Variants in CDH18 observed in about 807,000 individuals in gnomAD.
CDH18 encodes cadherin-18.
Under a neutral mutation model 67.9 loss-of-function variants are expected in CDH18, and 31 were observed. That is an observed-to-expected ratio of 0.46 (90% CI 0.34 to 0.62). The LOEUF (loss-of-function observed/expected upper bound fraction) is 0.62. CDH18 is among the 20% of genes least tolerant of loss of function. The probability of loss-of-function intolerance (pLI) is 0.01; values close to 1 mark genes in which losing one functional copy is unlikely to be tolerated. For synonymous variants in CDH18, 362 were observed against 347.2 expected (o/e 1.04, Z -0.48); for missense variants, 890 against 975.5 (o/e 0.91, Z 1.17).
chr5:19,995,861 T>C (rs1735971868), intron 2 of CDH18, among the ~76,000 whole-genome samples: 1 of 152,032 alleles, frequency 6.6e-6, no homozygotes, highest in Non-Finnish European at 1.5e-5. Context: ...GGGATAGTAC[T>C]CACACAGTTC....
chr5:19,598,996 A>G (rs1746620181), intron 6 of CDH18, among the ~76,000 whole-genome samples: 1 of 152,158 alleles, frequency 6.6e-6, no homozygotes, highest in Non-Finnish European at 1.5e-5. Context: ...AAAATAGAAA[A>G]AAGGCAATTT....
chr5:20,100,397 A>C (rs1486012506), intron 2 of CDH18, among the ~76,000 whole-genome samples: 1 of 152,110 alleles, frequency 6.6e-6, no homozygotes, highest in Non-Finnish European at 1.5e-5. Context: ...CCCCTAAATC[A>C]ATTTTGGGTC....
intron 2 of CDH18, among the ~76,000 whole-genome samples, chr5:20,031,129 G>C (rs1739356158): frequency 6.6e-6 from 1 of 152,032 alleles, no homozygotes; most frequent in Non-Finnish European, 1.5e-5. Context: ...GTTTTTAGCA[G>C]AAAGTTATAG....
chr5:19,701,466 G>A (rs192297540), intron 5 of CDH18, among the ~76,000 whole-genome samples: 2,996 of 152,162 alleles, frequency 0.02, 89 homozygotes, highest in African/African-American at 0.069. Context: ...AGGAGATTTA[G>A]TCTCCTAAGA....
intron 1 of CDH18, among the ~76,000 whole-genome samples, chr5:20,306,702 G>A (rs1342035659): frequency 6.6e-6 from 1 of 151,452 alleles, no homozygotes; most frequent in Non-Finnish European, 1.5e-5. Context: ...CCTGCTAAGG[G>A]GAAATCACAA....
chr5:20,366,859 TC>T (rs1228690816), intron 1 of CDH18, among the ~76,000 whole-genome samples: 1 of 149,846 alleles, frequency 6.7e-6, no homozygotes, highest in African/African-American at 2.5e-5. Context: ...GGCTCCTCCT[TC>T]CCCCGGGATG....
At chr5:19,881,220 C>G (rs965053235) in intron 2 of CDH18, among the ~76,000 whole-genome samples, 6 of 152,186 alleles carry the variant, frequency 3.9e-5, no homozygotes, top group African/African-American at 1.4e-4. Flanking sequence ...CTTTCAATGC[C>G]TTGTTTTAAT....
chr5:20,039,789 A>G (rs1740240652), intron 2 of CDH18, among the ~76,000 whole-genome samples: 1 of 152,228 alleles, frequency 6.6e-6, no homozygotes, highest in African/African-American at 2.4e-5. Context: ...AGGCATGGGC[A>G]AAGACTTCAT....
intron 1 of CDH18, among the ~76,000 whole-genome samples, chr5:20,363,865 T>C (rs1194333902): frequency 6.6e-6 from 1 of 152,154 alleles, no homozygotes; most frequent in Non-Finnish European, 1.5e-5. Context: ...TGCTGAACCC[T>C]AATTTAAATA....
rs1740046278 is a variant in CDH18 at position 20,339,281 on chromosome 5, A to C, written c.-579-83776T>G. ...AAGGCATGGCTGGCTTACCAGCTAG[A>C]GGACAGACAGGTCTTTCCTCCTGAG... is the stretch of plus-strand genomic sequence containing the variant. On this transcript the variant is annotated intron_variant, in intron 1 of 14. Transcript: ENST00000507958. Among the ~76,000 whole-genome samples, 4 of 152,190 alleles carry C rather than the reference A, an allele frequency of 2.6e-5. No individual in the cohort carries two copies. The South Asian group carries it at 8.3e-4, about 32-fold the overall frequency.
chr5:19,729,731 C>A (rs1767342739), intron 4 of CDH18, among the ~76,000 whole-genome samples: 1 of 152,184 alleles, frequency 6.6e-6, no homozygotes, highest in African/African-American at 2.4e-5. Context: ...TAATTCTCTT[C>A]ATAGTTGTAC....
chr5:19,795,064 T>C (rs1169694807), intron 3 of CDH18, among the ~76,000 whole-genome samples: 3 of 152,060 alleles, frequency 2.0e-5, no homozygotes, highest in Non-Finnish European at 4.4e-5. Context: ...CTCAGCTTCT[T>C]GCAGAGAAAT....
chr5:20,300,515 T>C (rs2149965238), intron 1 of CDH18, among the ~76,000 whole-genome samples: 1 of 152,234 alleles, frequency 6.6e-6, no homozygotes, highest in East Asian at 1.9e-4. Flanking sequence ...AGAATTGCTT[T>C]CAAGATACTA....
chr5:19,895,957 A>G (rs1331584528), intron 2 of CDH18, among the ~76,000 whole-genome samples: 1 of 152,154 alleles, frequency 6.6e-6, no homozygotes, highest in African/African-American at 2.4e-5. Flanking sequence ...GAAGACTGAA[A>G]AATGGTCCCC....
At chr5:19,573,347 C>T (rs1381215777) in intron 7 of CDH18, among the ~76,000 whole-genome samples, 3 of 150,006 alleles carry the variant, frequency 2.0e-5, no homozygotes, top group South Asian at 2.1e-4. Flanking sequence ...GGTGAGATCT[C>T]GGCTCACTGC....
chr5:20,124,254 G>A (rs983323739), intron 2 of CDH18, among the ~76,000 whole-genome samples: 1 of 152,146 alleles, frequency 6.6e-6, no homozygotes, highest in African/African-American at 2.4e-5. Flanking sequence ...TTGTCCCATA[G>A]GAATGTGTAA....
intron 1 of CDH18, among the ~76,000 whole-genome samples, chr5:19,984,683 A>G (rs1411454047): frequency 6.6e-6 from 1 of 152,180 alleles, no homozygotes; most frequent in African/African-American, 2.4e-5. Flanking sequence ...AAAACCTTGT[A>G]TATTGGGTTT....
At chr5:20,225,594 T>C (rs1285977296) in intron 2 of CDH18, among the ~76,000 whole-genome samples, 2 of 152,038 alleles carry the variant, frequency 1.3e-5, no homozygotes, top group Non-Finnish European at 1.5e-5. Flanking sequence ...TTGGCATGAG[T>C]GTTCTATAAA....
At chr5:19,966,889 A>G (rs1170689014) in intron 2 of CDH18, among the ~76,000 whole-genome samples, 1 of 152,088 alleles carries the variant, frequency 6.6e-6, no homozygotes, top group Non-Finnish European at 1.5e-5. Context: ...ATGGCTACAT[A>G]ACAAAAATTA....
Sources: gnomAD v4.1 joint callset for allele counts (sites outside exome capture counted in the v4.1 genomes callset) on GRCh38, gnomAD v4.1.1 for gene constraint, MANE v1.5 for transcripts, NCBI Gene and HGNC (gene_info 2026-07-23, HGNC 2026-07-21) for gene names.